Variants in GLIS3 observed in about 807,000 individuals in gnomAD.
GLIS3 encodes GLIS family zinc finger 3.
A neutral mutation model predicts 78.6 loss-of-function variants in GLIS3; 53 were observed. The observed-to-expected ratio is 0.67, with a 90% CI of 0.54 to 0.85. The LOEUF is 0.85. Among genes scored for constraint, GLIS3 ranks in the 40% least tolerant of loss-of-function variants. GLIS3 has a pLI of 0.00. For synonymous variants in GLIS3, 684 were observed against 509.9 expected (o/e 1.34, Z -4.60); for missense variants, 1,703 against 1,231.1 (o/e 1.38, Z -5.74).
intron 9 of GLIS3, among the ~76,000 whole-genome samples, chr9:3,830,272 C>T (rs1304149701): frequency 6.6e-6 from 1 of 151,594 alleles, no homozygotes; most frequent in Non-Finnish European, 1.5e-5. Flanking sequence ...TGATCCTCCA[C>T]TCCTTTCATG....
At chr9:4,447,844 A>G in the GLIS3 span, among the ~76,000 whole-genome samples, 1 of 152,142 alleles carries the variant, frequency 6.6e-6, no homozygotes, top group Admixed American at 6.5e-5. Context: ...GGTCTGTTCC[A>G]TGTTCTGGTC....
chr9:4,071,756 C>G (rs908987999), intron 4 of GLIS3: 1 of 152,144 alleles, frequency 6.6e-6, no homozygotes, highest in Non-Finnish European at 1.5e-5. Context: ...TTGAAACACA[C>G]AATTTCTAAT....
intron 2 of GLIS3, among the ~76,000 whole-genome samples, chr9:4,143,093 G>A (rs1465594106): frequency 6.6e-6 from 1 of 152,030 alleles, no homozygotes; most frequent in Non-Finnish European, 1.5e-5. Flanking sequence ...TTTTACTGGA[G>A]CATAAATGAC....
chr9:4,179,453 G>C (rs577730950), intron 2 of GLIS3, among the ~76,000 whole-genome samples: 1 of 152,236 alleles, frequency 6.6e-6, no homozygotes, highest in South Asian at 2.1e-4. Flanking sequence ...GTTTGGGATA[G>C]TCCTGGGGTA....
At chr9:4,383,959 G>C in the GLIS3 span, among the ~76,000 whole-genome samples, 6 of 152,210 alleles carry the variant, frequency 3.9e-5, no homozygotes, top group Non-Finnish European at 8.8e-5. Context: ...TCTCCTTCAA[G>C]ACTTACAGCC....
chr9:4,343,538 T>C (rs1211720269), intron 2 of GLIS3, among the ~76,000 whole-genome samples: 5 of 152,180 alleles, frequency 3.3e-5, no homozygotes, highest in Admixed American at 1.3e-4. Context: ...TGAACTACCA[T>C]TCAACCCAGC....
intron 6 of GLIS3, among the ~76,000 whole-genome samples, chr9:3,910,713 G>A (rs1824079458): frequency 6.6e-6 from 1 of 152,170 alleles, no homozygotes; most frequent in African/African-American, 2.4e-5. Context: ...ATGTGATACT[G>A]GGCAAGTATA....
At chr9:4,003,276 A>G (rs1821265319) in intron 4 of GLIS3, among the ~76,000 whole-genome samples, 1 of 152,122 alleles carries the variant, frequency 6.6e-6, no homozygotes, top group South Asian at 2.1e-4. Flanking sequence ...AAGAAACTGG[A>G]CCACTGAGGC....
chr9:4,144,652 A>C (rs190499998), intron 2 of GLIS3, among the ~76,000 whole-genome samples: 140 of 152,366 alleles, frequency 9.2e-4, no homozygotes, highest in African/African-American at 3.2e-3. Context: ...AAAGGTCTCT[A>C]GATGGAAAAA....
rs111610663 is a variant in GLIS3, at chr9:4,136,835, T to C, written c.389-10894A>G. 2.6e-3 allele frequency among the ~76,000 whole-genome samples: 392 copies of C among 152,316 alleles called. 9 individuals are homozygous for C. The highest frequency in any genetic ancestry group is 9.0e-3 in the African/African-American group (373 of 41,562). On this transcript the variant is annotated intron_variant, in intron 2 of 10. Transcript: ENST00000381971. ...TGATTTAAAAGCTGGACATTACTTA[T>C]CCAACAGTGGTTCAAACCTGGCTAC...
chr9:4,432,735 C>T, the GLIS3 span, among the ~76,000 whole-genome samples: 8 of 150,376 alleles, frequency 5.3e-5, no homozygotes, highest in African/African-American at 1.5e-4. Context: ...CCGCCCCCTG[C>T]GCTCAAGTGA....
At chr9:4,162,108 C>G (rs1835525503) in intron 2 of GLIS3, among the ~76,000 whole-genome samples, 10 of 152,108 alleles carry the variant, frequency 6.6e-5, no homozygotes, top group Admixed American at 6.5e-4. Context: ...GACCATCCCT[C>G]AGTTTATAGA....
intron 2 of GLIS3, among the ~76,000 whole-genome samples, chr9:4,326,293 T>A (rs1168192431): frequency 6.6e-6 from 1 of 152,168 alleles, no homozygotes; most frequent in African/African-American, 2.4e-5. Flanking sequence ...GTGAAAAAGG[T>A]AGAAACAATC....
chr9:3,936,595 G>A (rs1435098599), intron 5 of GLIS3, among the ~76,000 whole-genome samples: 1 of 151,800 alleles, frequency 6.6e-6, no homozygotes, highest in Admixed American at 6.6e-5. Flanking sequence ...TATGTCAAGA[G>A]GGAAAGAACC....
chr9:4,067,323 A>G (rs1271206413), intron 4 of GLIS3, among the ~76,000 whole-genome samples: 1 of 151,930 alleles, frequency 6.6e-6, no homozygotes, highest in East Asian at 1.9e-4. Flanking sequence ...ATTCTTAACA[A>G]TACTTTATTT....
chr9:3,936,877 T>A, intron 5 of GLIS3, 151 bp downstream of exon 5: 1 of 966,934 alleles, frequency 1.0e-6, no homozygotes, highest in Non-Finnish European at 1.6e-6. Context: ...TAGGGCCCCA[T>A]CTGGCCTTTT....
chr9:3,902,600 T>G (rs1228069148), intron 6 of GLIS3, among the ~76,000 whole-genome samples: 3 of 152,206 alleles, frequency 2.0e-5, no homozygotes, highest in African/African-American at 7.2e-5. Flanking sequence ...GTTCCCAATC[T>G]TGGGGATGTA....
chr9:3,876,390 T>G (rs1821309979), intron 8 of GLIS3, among the ~76,000 whole-genome samples: 1 of 151,374 alleles, frequency 6.6e-6, no homozygotes, highest in African/African-American at 2.4e-5. Flanking sequence ...CAAACAAAAA[T>G]CTCCAGCTAT....
chr9:4,170,180 G>A (rs560058931), intron 2 of GLIS3, among the ~76,000 whole-genome samples: 25 of 152,310 alleles, frequency 1.6e-4, no homozygotes, highest in African/African-American at 6.0e-4. Context: ...AAAGCGATCT[G>A]AAGAAACTTT....
Sources: gnomAD v4.1 joint callset for allele counts (sites outside exome capture counted in the v4.1 genomes callset) on GRCh38, gnomAD v4.1.1 for gene constraint, MANE v1.5 for transcripts, NCBI Gene and HGNC (gene_info 2026-07-23, HGNC 2026-07-21) for gene names.